The following GPHN variants were observed in gnomAD, a reference collection of about 807,000 sequenced individuals.
GPHN encodes the protein gephyrin.
GPHN carries 17 observed loss-of-function variants against 95.5 expected under a neutral mutation model. The observed-to-expected ratio is 0.18, with a 90% CI of 0.12 to 0.27. GPHN has a LOEUF of 0.27. Ranked by LOEUF, GPHN falls within the 10% of genes least tolerant of loss-of-function variation. The pLI is 1.00. For synonymous variants in GPHN, 320 were observed against 322.5 expected (o/e 0.99, Z 0.08); for missense variants, 660 against 978.1 (o/e 0.67, Z 4.34).
intron 3 of GPHN, among the ~76,000 whole-genome samples, chr14:66,777,184 A>G (rs2059417127): frequency 6.6e-6 from 1 of 152,214 alleles, no homozygotes. Flanking sequence ...ATCAGAGAAT[A>G]CTACAAACAC....
intron 3 of GPHN, among the ~76,000 whole-genome samples, chr14:66,801,713 A>G (rs1190894525): frequency 6.9e-6 from 1 of 145,816 alleles, no homozygotes; most frequent in Non-Finnish European, 1.5e-5. Flanking sequence ...CTAGGACTGC[A>G]CTGGATCAGG....
intron 1 of GPHN, among the ~76,000 whole-genome samples, chr14:66,529,147 G>A (rs932063280): frequency 1.3e-5 from 2 of 151,782 alleles, no homozygotes; most frequent in Non-Finnish European, 2.9e-5. Context: ...CATATTTCTT[G>A]GAGGCTTTGT....
the GPHN span, among the ~76,000 whole-genome samples, chr14:67,511,906 C>T: frequency 3.9e-5 from 6 of 152,222 alleles, no homozygotes; most frequent in Non-Finnish European, 1.5e-5. Context: ...GTTGACTTAG[C>T]CTCAGTTCTA....
the GPHN span, among the ~76,000 whole-genome samples, chr14:67,526,095 T>C: frequency 5.9e-5 from 9 of 152,222 alleles, no homozygotes; most frequent in African/African-American, 2.2e-4. Flanking sequence ...TCCACTTTAG[T>C]AGTTCCTCTT....
chr14:66,994,304 T>C (rs550971579), intron 9 of GPHN, among the ~76,000 whole-genome samples: 22 of 151,760 alleles, frequency 1.4e-4, no homozygotes, highest in Non-Finnish European at 3.1e-4. Flanking sequence ...AGGCGGAAGT[T>C]GCAGTGAGCC....
intron 1 of GPHN, among the ~76,000 whole-genome samples, chr14:66,599,451 C>G (rs9323475): frequency 0.32 from 42,993 of 136,028 alleles, 9,933 homozygotes; most frequent in African/African-American, 0.65. Flanking sequence ...TTTCGTTATA[C>G]AGTCTTCTCG....
At chr14:67,477,549 C>G in the GPHN span, among the ~76,000 whole-genome samples, 1 of 152,168 alleles carries the variant, frequency 6.6e-6, no homozygotes, top group Non-Finnish European at 1.5e-5. Flanking sequence ...AGACCTCTTT[C>G]CTGTGTGCTA....
At chr14:66,749,844 T>A (rs1050526863) in intron 2 of GPHN, among the ~76,000 whole-genome samples, 5 of 151,818 alleles carry the variant, frequency 3.3e-5, no homozygotes, top group South Asian at 2.1e-4. Flanking sequence ...GTTTTTTTTT[T>A]AATTTTTAAT....
chr14:67,076,926 T>TA (rs2076518956), intron 11 of GPHN, among the ~76,000 whole-genome samples: 1 of 152,208 alleles, frequency 6.6e-6, no homozygotes, highest in Non-Finnish European at 1.5e-5. Flanking sequence ...CCACTGAACT[T>TA]AGAGCTCTCC....
chr14:66,531,733 A>G (rs1009443185), intron 1 of GPHN, among the ~76,000 whole-genome samples: 18 of 152,230 alleles, frequency 1.2e-4, no homozygotes, highest in Non-Finnish European at 2.4e-4. Flanking sequence ...GTGTTAGGCT[A>G]AAACTACTAA....
intron 10 of GPHN, among the ~76,000 whole-genome samples, chr14:67,037,196 T>C (rs1260635623): frequency 8.6e-5 from 13 of 151,994 alleles, no homozygotes; most frequent in Non-Finnish European, 1.5e-5. Context: ...GGGCAGTCTC[T>C]TCAATAAACG....
At chr14:66,551,930 A>G (rs2059827115) in intron 1 of GPHN, among the ~76,000 whole-genome samples, 2 of 152,216 alleles carry the variant, frequency 1.3e-5, no homozygotes, top group Non-Finnish European at 2.9e-5. Flanking sequence ...ACAATTCTGC[A>G]TGAAATTTGG....
chr14:67,310,131 T>G, the GPHN span, among the ~76,000 whole-genome samples: 5 of 152,138 alleles, frequency 3.3e-5, no homozygotes, highest in African/African-American at 4.8e-5. Context: ...ATGCCAAGAT[T>G]ATAAATTTGT....
intron 1 of GPHN, among the ~76,000 whole-genome samples, chr14:66,613,410 C>CA (rs1200789756): frequency 2.6e-5 from 4 of 152,042 alleles, no homozygotes; most frequent in Non-Finnish European, 5.9e-5. Context: ...AAATCACCAA[C>CA]AAAATGCATC....
the GPHN span, among the ~76,000 whole-genome samples, chr14:67,343,622 T>C: frequency 6.6e-6 from 1 of 152,226 alleles, no homozygotes; most frequent in Non-Finnish European, 1.5e-5. Flanking sequence ...CCCAATACTT[T>C]GGGAGGCTGA....
chr14:67,677,363 A>ATTTTTTTTT, the GPHN span: 11 of 31,978 alleles, frequency 3.4e-4, 1 homozygote, highest in African/African-American at 5.4e-4. Context: ...TGTTTTTAGG[A>ATTTTTTTTT]TTTTTTTTTT....
intron 2 of GPHN, among the ~76,000 whole-genome samples, chr14:66,697,736 G>A (rs1310551988): frequency 2.0e-5 from 3 of 147,664 alleles, no homozygotes; most frequent in Non-Finnish European, 4.4e-5. Context: ...CACTCAGGCT[G>A]GAGTGCAGTG....
At chr14:67,231,039 G>A in the GPHN span, among the ~76,000 whole-genome samples, 1 of 152,130 alleles carries the variant, frequency 6.6e-6, no homozygotes, top group Non-Finnish European at 1.5e-5. Context: ...GAAAAACACA[G>A]TGTATACAGG....
chr14:67,673,580 A>G, the GPHN span, among the ~76,000 whole-genome samples: 2 of 152,202 alleles, frequency 1.3e-5, no homozygotes, highest in Non-Finnish European at 2.9e-5. Flanking sequence ...CTCACAATAA[A>G]TATATATTAA....
Sources: allele counts gnomAD v4.1 joint callset (sites outside exome capture counted in the v4.1 genomes callset), GRCh38; gene constraint gnomAD v4.1.1; transcripts MANE v1.5; gene names NCBI Gene and HGNC (gene_info 2026-07-23, HGNC 2026-07-21).